The following SMARCD1 variants were observed in gnomAD, a reference collection of about 807,000 sequenced individuals.
SMARCD1 encodes the protein SWI/SNF related BAF chromatin remodeling complex subunit D1, also known as SWI/SNF-related matrix-associated actin-dependent regulator of chromatin subfamily D member 1.
Under a neutral mutation model 70.8 loss-of-function variants are expected in SMARCD1, and 16 were observed. The observed-to-expected ratio is 0.23, with a 90% confidence interval of 0.15 to 0.34. The LOEUF (loss-of-function observed/expected upper bound fraction) is 0.34, where lower values mean the gene tolerates loss of function less well. Among genes scored for constraint, SMARCD1 ranks in the 10% least tolerant of loss-of-function variants. SMARCD1 has a pLI of 1.00. For missense variants in SMARCD1, 409 were observed against 655.5 expected, an observed-to-expected ratio of 0.62 and a Z score of 4.11; for synonymous variants, 249 against 246.0, an observed-to-expected ratio of 1.01 and a Z score of -0.11.
intron 2 of SMARCD1, 65 bp from the exon 3 acceptor site, chr12:50,086,556 G>A: frequency 6.6e-7 from 1 of 1,518,692 alleles, no homozygotes; most frequent in Non-Finnish European, 9.1e-7. Flanking sequence ...TGGACGTGCT[G>A]ACAGCTTATT....
chr12:50,099,183 C>T lies in SMARCD1; in HGVS notation c.*183C>T. ...GTTATCCTCTTCTTTCACCCTATCT[C>T]TTCCCACCCCCAGCTTCCCTTTGCC... is the stretch of plus-strand genomic sequence containing the variant. On this transcript the variant is annotated 3_prime_UTR_variant, in exon 13 of 13. Coordinates refer to ENST00000394963, the MANE Select transcript of SMARCD1 (RefSeq NM_003076.5). 1 of 631,154 alleles carries T rather than the reference C, an allele frequency of 1.6e-6. No homozygotes were observed. Among genetic ancestry groups the T allele is most frequent in the Non-Finnish European group, 2.8e-6 (1 of 355,354 alleles). The allele number at this position is 631,154 out of a possible 1,614,324, so 39.1% of individuals were successfully genotyped here.
At chr12:50,086,686 C>T (rs1405878054) in intron 3 of SMARCD1, 23 bp downstream of exon 3, 5 of 1,614,010 alleles carry the variant, frequency 3.1e-6, no homozygotes, top group Non-Finnish European at 4.2e-6. Flanking sequence ...TATATGTCTT[C>T]TGGAAAGTGT....
In SMARCD1 at chr12:50,086,363, G is replaced by A; in HGVS notation, c.365+15G>A. On this transcript the variant is annotated intron_variant, in intron 2 of 12. Coordinates refer to ENST00000394963, the MANE Select transcript of SMARCD1 (RefSeq NM_003076.5). ...CGAAACCACAAGTAAGATGATCCTG[G>A]GGCAGAGGGAGGGAGGGAGGGAGCC... 1 of 1,570,398 alleles carries A rather than the reference G, an allele frequency of 6.4e-7. No homozygotes were observed. The highest frequency in any genetic ancestry group is 1.2e-5 in the South Asian group (1 of 84,796).
intron 11 of SMARCD1, 90 bp from the exon 12 acceptor site, chr12:50,098,624 G>A: frequency 9.8e-7 from 1 of 1,019,158 alleles, no homozygotes; most frequent in Non-Finnish European, 1.5e-6. Flanking sequence ...TTTTGGGGAA[G>A]GATACAATTT....
chr12:50,091,093 C>T lies in SMARCD1; in HGVS notation c.1133+503C>T, dbSNP rs569307042. Among the ~76,000 whole-genome samples the T allele has an allele frequency of 1.6e-4, 24 of 152,040 alleles. No individual in the cohort carries two copies. In the South Asian group the frequency reaches 3.9e-3, roughly 25 times the overall value. On this transcript the variant is annotated intron_variant, in intron 9 of 12. Transcript: ENST00000394963. Reference sequence around the variant, plus strand: ...GCCGAGCCTCGTGATCTGCCCGCCTCGGCCTCCCAAAGTGCTCGGATTACA... The same window carrying T: ...GCCGAGCCTCGTGATCTGCCCGCCTTGGCCTCCCAAAGTGCTCGGATTACA...
intron 11 of SMARCD1, 94 bp downstream of exon 11, chr12:50,097,066 G>A (rs1248932304): frequency 7.9e-7 from 1 of 1,273,630 alleles, no homozygotes; most frequent in African/African-American, 1.5e-5. Flanking sequence ...CCAGAGGAAG[G>A]AGTGAGGGGC....
intron 6 of SMARCD1, 121 bp downstream of exon 6, chr12:50,088,758 C>T (rs1456359658): frequency 3.9e-5 from 20 of 510,136 alleles, no homozygotes; most frequent in South Asian, 1.2e-4. Flanking sequence ...TACACAGTAC[C>T]GCTCCAGGTG....
Position 50,100,516 on chromosome 12 carries a change from G to T in SMARCD1, c.*1516G>T, listed in dbSNP as rs1950931611. On this transcript the variant is annotated 3_prime_UTR_variant, in exon 13 of 13. Coordinates refer to ENST00000394963, the MANE Select transcript of SMARCD1 (RefSeq NM_003076.5). ...GCTGGAACCATGAGAAGGAAGCTCAGTACTTCCCACAGTGTCCCTGTTGAT... is the reference window on the plus strand; with the variant it reads ...GCTGGAACCATGAGAAGGAAGCTCATTACTTCCCACAGTGTCCCTGTTGAT... 1 of 152,640 alleles carries T rather than the reference G, an allele frequency of 6.6e-6. No individual in the cohort carries two copies. The highest frequency in any genetic ancestry group is 1.5e-5 in the Non-Finnish European group (1 of 68,052). 9.5% of individuals were successfully genotyped at this position (152,640 alleles called of 1,614,324 possible).
intron 10 of SMARCD1, among the ~76,000 whole-genome samples, chr12:50,096,273 A>G (rs931901725): frequency 2.0e-5 from 3 of 152,178 alleles, no homozygotes; most frequent in African/African-American, 7.2e-5. Context: ...AGTATTTACT[A>G]TGACTGGGAA....
intron 11 of SMARCD1, among the ~76,000 whole-genome samples, chr12:50,097,759 C>T (rs548441471): frequency 2.7e-5 from 4 of 150,646 alleles, no homozygotes; most frequent in East Asian, 2.0e-4. Flanking sequence ...GGCGTGGTGG[C>T]GGGTGCCTGT....
rs1411711630 is a variant in SMARCD1, at chr12:50,096,908, G to A, written c.1328G>A (p.Ser443Asn). ...QLKTQREFMLSFARDPQGFIN... is the reference protein window; with the variant it reads ...QLKTQREFMLNFARDPQGFIN... ...AAGACTCAGCGGGAGTTCATGCTGAGCTTTGCCAGAGACCCTCAGGGTTTC... is the reference window on the plus strand; with the variant it reads ...AAGACTCAGCGGGAGTTCATGCTGAACTTTGCCAGAGACCCTCAGGGTTTC... Residue 443 changes from serine (S) to asparagine (N), a missense_variant, in exon 11 of 13, where the codon AGC (serine) becomes AAC (asparagine). Transcript: ENST00000394963. 6 of 1,614,076 alleles carry A rather than the reference G, an allele frequency of 3.7e-6. No individual in the cohort carries two copies. The South Asian group carries it at 5.5e-5, about 15-fold the overall frequency.
intron 11 of SMARCD1, among the ~76,000 whole-genome samples, chr12:50,097,256 A>G (rs560147974): frequency 6.6e-6 from 1 of 152,194 alleles, no homozygotes; most frequent in Non-Finnish European, 1.5e-5. Context: ...GTCTGAAGAA[A>G]CTAGGCTAGT....
At chr12:50,093,042 G>C (rs1050869626) in intron 9 of SMARCD1, among the ~76,000 whole-genome samples, 1 of 151,908 alleles carries the variant, frequency 6.6e-6, no homozygotes, top group Non-Finnish European at 1.5e-5. Flanking sequence ...TGGGCATGGT[G>C]GTGGGCGCCT....
chr12:50,090,679 A>G (rs1170460040), intron 9 of SMARCD1, 89 bp downstream of exon 9: 2 of 888,704 alleles, frequency 2.3e-6, no homozygotes, highest in East Asian at 4.9e-5. Flanking sequence ...GGAATTTTGC[A>G]AACAGGTTGT....
chr12:50,097,310 G>C (rs948138459), intron 11 of SMARCD1, among the ~76,000 whole-genome samples: 1 of 152,156 alleles, frequency 6.6e-6, no homozygotes, highest in Non-Finnish European at 1.5e-5. Context: ...CAGCACTTTG[G>C]GAGGCCGAGG....
chr12:50,090,286 A>C lies in SMARCD1; in HGVS notation c.919A>C (p.Ile307Leu), dbSNP rs1224165549. Residue 307 changes from isoleucine to leucine, a missense_variant, in exon 8 of 13, where the codon ATC becomes CTC. This residue lies in a region of SMARCD1 where 269 missense variants were observed against 498.6 expected (regional missense o/e 0.54). Transcript: ENST00000394963. ...CCCCCGCCTAGCTCGACTCCTGGGC[A>C]TCCATACCCAGACTCGTCCAGTGAT... ...LDPRLARLLG[I>L]HTQTRPVIIQ... is the part of the protein sequence containing the mutation. 1 of 1,613,962 alleles carries C rather than the reference A, an allele frequency of 6.2e-7. No individual in the cohort carries two copies. The highest frequency in any genetic ancestry group is 8.5e-7 in the Non-Finnish European group (1 of 1,180,000).
Position 50,085,530 on chromosome 12 carries a change from C to T in SMARCD1, c.161C>T (p.Pro54Leu). Residue 54 changes from proline to leucine, a missense_variant, in exon 1 of 13, where the codon CCC becomes CTC. Transcript: ENST00000394963. ...PGQGLYRSPM[P>L]GAAYPRPGML... The stretch of plus-strand genomic sequence containing the variant: ...CAAGGGCTGTACCGCTCCCCGATGC[C>T]CGGAGCGGCCTATCCGGTGAGTGGG... 8.1e-7 allele frequency: 1 copy of T among 1,234,558 alleles called. No homozygotes were observed. Among genetic ancestry groups the T allele is most frequent in the Non-Finnish European group, 1.0e-6 (1 of 988,742 alleles). The allele number at this position is 1,234,558 out of a possible 1,614,324, so 76.5% of individuals were successfully genotyped here.
At chr12:50,096,496 G>A (rs1390977814) in intron 10 of SMARCD1, among the ~76,000 whole-genome samples, 2 of 152,212 alleles carry the variant, frequency 1.3e-5, no homozygotes, top group Non-Finnish European at 2.9e-5. Context: ...ACCCAGAGAT[G>A]AGAGCTTATG....
At chr12:50,087,769 ATTAT>A (rs748905317) in intron 5 of SMARCD1, among the ~76,000 whole-genome samples, 11 of 151,296 alleles carry the variant, frequency 7.3e-5, no homozygotes, top group Admixed American at 7.2e-4. Context: ...ATATCTGTAG[ATTAT>A]TTAGTTTTTT....
Sources: allele counts gnomAD v4.1 joint callset (sites outside exome capture counted in the v4.1 genomes callset), GRCh38; gene constraint gnomAD v4.1.1; regional missense constraint gnomAD v4.1.1; transcripts MANE v1.5; gene names NCBI Gene and HGNC (gene_info 2026-07-23, HGNC 2026-07-21).